Variants in MIR2052HG observed in about 807,000 individuals in gnomAD.
MIR2052HG encodes the protein MIR2052 host gene.
intron 1 of MIR2052HG, among the ~76,000 whole-genome samples, chr8:74,609,275 A>G (rs1808156573): frequency 6.6e-6 from 1 of 152,138 alleles, no homozygotes; most frequent in South Asian, 2.1e-4. Context: ...GAATAGTCCC[A>G]TATTTAGTAA....
chr8:74,680,606 C>T (rs934241985), intron 2 of MIR2052HG, among the ~76,000 whole-genome samples: 11 of 152,126 alleles, frequency 7.2e-5, no homozygotes, highest in African/African-American at 2.7e-4. Context: ...CACTTTTACA[C>T]TGTTGGTGGG....
intron 2 of MIR2052HG, among the ~76,000 whole-genome samples, chr8:74,696,165 A>G (rs1809293969): frequency 6.6e-6 from 1 of 152,108 alleles, no homozygotes; most frequent in Non-Finnish European, 1.5e-5. Context: ...CAACTCCAAA[A>G]GGAACCCTCA....
chr8:74,730,590 TTAAGATGATTGA>T (rs1323274190), intron 4 of MIR2052HG, among the ~76,000 whole-genome samples: 1 of 152,146 alleles, frequency 6.6e-6, no homozygotes, highest in African/African-American at 2.4e-5. Flanking sequence ...AAGCAAAAAG[TTAAGATGATTGA>T]TAATATTCAA....
At chr8:74,666,212 T>G (rs1164344552) in intron 2 of MIR2052HG, among the ~76,000 whole-genome samples, 1 of 152,190 alleles carries the variant, frequency 6.6e-6, no homozygotes, top group Non-Finnish European at 1.5e-5. Flanking sequence ...TTACCTCTTT[T>G]TTTTTCTCTT....
intron 2 of MIR2052HG, among the ~76,000 whole-genome samples, chr8:74,668,240 C>CAA (rs370589893): frequency 1.4e-5 from 2 of 144,412 alleles, no homozygotes; most frequent in Non-Finnish European, 1.5e-5. Flanking sequence ...ATTTCTATTA[C>CAA]AAAAAAAAAA....
chr8:74,651,041 T>G (rs887575439), intron 2 of MIR2052HG, among the ~76,000 whole-genome samples: 2 of 152,170 alleles, frequency 1.3e-5, no homozygotes, highest in African/African-American at 4.8e-5. Context: ...TTGTTTCCTT[T>G]CTGGTTAATA....
At chr8:74,666,893 A>G (rs1808929733) in intron 2 of MIR2052HG, among the ~76,000 whole-genome samples, 1 of 152,098 alleles carries the variant, frequency 6.6e-6, no homozygotes, top group African/African-American at 2.4e-5. Context: ...GGGATTTCTC[A>G]TGAGGCTGTA....
intron 2 of MIR2052HG, among the ~76,000 whole-genome samples, chr8:74,619,038 AC>A (rs997789265): frequency 2.6e-5 from 4 of 152,240 alleles, no homozygotes; most frequent in Non-Finnish European, 4.4e-5. Context: ...TAGAACAGCT[AC>A]AAAAAGTACT....
At chr8:74,692,709 C>T (rs1809251601) in intron 2 of MIR2052HG, among the ~76,000 whole-genome samples, 1 of 152,166 alleles carries the variant, frequency 6.6e-6, no homozygotes. Context: ...TGTTTCTACC[C>T]TTTGATGTTG....
At chr8:74,691,178 A>G (rs1213514843) in intron 2 of MIR2052HG, among the ~76,000 whole-genome samples, 3 of 152,182 alleles carry the variant, frequency 2.0e-5, no homozygotes, top group African/African-American at 7.2e-5. Flanking sequence ...TTGAGAAAGG[A>G]TTTGTGGACA....
chr8:74,747,627 A>G (rs1199860843), intron 4 of MIR2052HG, among the ~76,000 whole-genome samples: 1 of 152,210 alleles, frequency 6.6e-6, no homozygotes, highest in Non-Finnish European at 1.5e-5. Context: ...ATGATCAGGT[A>G]GTATCAGAAG....
intron 4 of MIR2052HG, among the ~76,000 whole-genome samples, chr8:74,735,125 A>C (rs895562406): frequency 4.6e-5 from 7 of 152,178 alleles, no homozygotes; most frequent in African/African-American, 7.2e-5. Flanking sequence ...TCACAATCAA[A>C]AGAGAACAAA....
At chr8:74,728,121 A>G (rs1384861006) in intron 4 of MIR2052HG, among the ~76,000 whole-genome samples, 1 of 152,234 alleles carries the variant, frequency 6.6e-6, no homozygotes, top group African/African-American at 2.4e-5. Context: ...AGCAGATAAA[A>G]TAGTGCACAT....
intron 2 of MIR2052HG, among the ~76,000 whole-genome samples, chr8:74,637,799 T>C (rs1808598774): frequency 6.6e-6 from 1 of 152,180 alleles, no homozygotes; most frequent in Non-Finnish European, 1.5e-5. Flanking sequence ...CAACTTATCT[T>C]TCTAGCCTAT....
intron 3 of MIR2052HG, chr8:74,703,591 G>T: frequency 2.2e-6 from 1 of 448,764 alleles, no homozygotes. Flanking sequence ...GCTATATTCT[G>T]CTATTGTTTT....
At chr8:74,710,073 A>G (rs2128741669) in intron 4 of MIR2052HG, among the ~76,000 whole-genome samples, 1 of 152,296 alleles carries the variant, frequency 6.6e-6, no homozygotes, top group South Asian at 2.1e-4. Context: ...TCATAATGAT[A>G]AATTCCAAGT....
chr8:74,604,956 T>G (rs886997802), intron 1 of MIR2052HG, among the ~76,000 whole-genome samples: 1 of 152,194 alleles, frequency 6.6e-6, no homozygotes, highest in Non-Finnish European at 1.5e-5. Flanking sequence ...CTGAATTTCT[T>G]GCATGAGATT....
At chr8:74,726,178 G>A (rs1809633787) in intron 4 of MIR2052HG, among the ~76,000 whole-genome samples, 1 of 152,108 alleles carries the variant, frequency 6.6e-6, no homozygotes, top group Non-Finnish European at 1.5e-5. Context: ...GGGCGACAGG[G>A]TGAGACTCCA....
chr8:74,637,494 A>C (rs1808596121), intron 2 of MIR2052HG, among the ~76,000 whole-genome samples: 1 of 152,146 alleles, frequency 6.6e-6, no homozygotes, highest in South Asian at 2.1e-4. Context: ...AATCAGTTTT[A>C]TCTTCAGAAA....
Sources: allele counts gnomAD v4.1 joint callset (sites outside exome capture counted in the v4.1 genomes callset), GRCh38; gene constraint gnomAD v4.1.1; transcripts MANE v1.5; gene names NCBI Gene and HGNC (gene_info 2026-07-23, HGNC 2026-07-21).